ANO4: variants seen among roughly 807,000 people sequenced by gnomAD.
The protein encoded by ANO4 is anoctamin-4.
Under a neutral mutation model 141.9 loss-of-function variants are expected in ANO4, and 69 were observed. That is an observed-to-expected ratio of 0.49 (90% confidence interval 0.40 to 0.59). The LOEUF (loss-of-function observed/expected upper bound fraction) is 0.59. Ranked by LOEUF, ANO4 falls within the 20% of genes least tolerant of loss-of-function variation. ANO4 has a pLI of 0.00. For missense variants in ANO4, 894 were observed against 1,162.2 expected (o/e 0.77, Z 3.36); for synonymous variants, 350 against 394.3 (o/e 0.89, Z 1.33).
chr12:100,743,045 A>G (rs1169118541), intron 3 of ANO4, among the ~76,000 whole-genome samples: 1 of 151,194 alleles, frequency 6.6e-6, no homozygotes, highest in Non-Finnish European at 1.5e-5. Context: ...CTAAGTTACC[A>G]CTCCATGTTA....
intron 1 of ANO4, among the ~76,000 whole-genome samples, chr12:100,720,779 A>G (rs951366048): frequency 6.6e-6 from 1 of 152,176 alleles, no homozygotes; most frequent in Non-Finnish European, 1.5e-5. Context: ...TGTAAGTAGA[A>G]GTGTGGGGTG....
intron 25 of ANO4, among the ~76,000 whole-genome samples, chr12:101,118,881 C>T (rs1285720256): frequency 1.5e-5 from 2 of 130,556 alleles, no homozygotes; most frequent in Non-Finnish European, 3.2e-5. Context: ...CCCCACCCCA[C>T]GACAGGCCCC....
At chr12:101,092,640 T>C (rs1307603260) in intron 17 of ANO4, among the ~76,000 whole-genome samples, 5 of 152,212 alleles carry the variant, frequency 3.3e-5, no homozygotes, top group Non-Finnish European at 7.3e-5. Context: ...ACAGATGCCA[T>C]GGATCCCTAC....
At chr12:100,796,210 G>C (rs895664859) in intron 1 of ANO4, among the ~76,000 whole-genome samples, 15 of 152,016 alleles carry the variant, frequency 9.9e-5, no homozygotes, top group Admixed American at 3.9e-4. Flanking sequence ...CTCTAGAGAG[G>C]GTTCTTGCCA....
intron 1 of ANO4, among the ~76,000 whole-genome samples, chr12:100,796,036 A>ATT (rs34968573): frequency 0.021 from 2,989 of 141,546 alleles, 32 homozygotes; most frequent in Middle Eastern, 0.038. Context: ...CTTAACAGGG[A>ATT]TTTTTTTTTT....
intron 17 of ANO4, among the ~76,000 whole-genome samples, chr12:101,092,364 C>T (rs1180464418): frequency 6.6e-6 from 1 of 152,194 alleles, no homozygotes; most frequent in Non-Finnish European, 1.5e-5. Context: ...AAGCTTTCTG[C>T]CGGTTACAGA....
intron 2 of ANO4, among the ~76,000 whole-genome samples, chr12:100,919,700 GTGTGTATGTA>G (rs1288002235): frequency 1.7e-3 from 220 of 132,520 alleles, no homozygotes; most frequent in African/African-American, 6.0e-3. Context: ...GTGTGTGTGT[GTGTGTATGTA>G]TGTATGTATG....
chr12:100,962,157 C>T (rs1174458849), intron 5 of ANO4, among the ~76,000 whole-genome samples: 1 of 152,162 alleles, frequency 6.6e-6, no homozygotes, highest in African/African-American at 2.4e-5. Flanking sequence ...ATTGAAACCT[C>T]TGTGGTAAGA....
chr12:100,822,007 A>G (rs1817142590), intron 1 of ANO4, among the ~76,000 whole-genome samples: 1 of 151,898 alleles, frequency 6.6e-6, no homozygotes, highest in Non-Finnish European at 1.5e-5. Context: ...CTTGATGGAA[A>G]AACAGTTTTG....
intron 14 of ANO4, among the ~76,000 whole-genome samples, chr12:101,050,326 A>G (rs541016975): frequency 5.3e-5 from 8 of 152,242 alleles, no homozygotes; most frequent in Admixed American, 3.3e-4. Context: ...TGAACAGGCC[A>G]TGTATTTTTT....
intron 14 of ANO4, among the ~76,000 whole-genome samples, chr12:101,058,712 T>C (rs2048228601): frequency 6.6e-6 from 1 of 152,232 alleles, no homozygotes; most frequent in South Asian, 2.1e-4. Context: ...ACATTGATTT[T>C]GTATCCTGAG....
chr12:101,034,708 TAAAG>T (rs1433436375), intron 9 of ANO4, among the ~76,000 whole-genome samples: 1 of 152,018 alleles, frequency 6.6e-6, no homozygotes, highest in African/African-American at 2.4e-5. Context: ...CTAGAATACA[TAAAG>T]AACACTCAAA....
intron 1 of ANO4, among the ~76,000 whole-genome samples, chr12:100,802,857 T>C (rs2034779560): frequency 6.6e-6 from 1 of 152,228 alleles, no homozygotes; most frequent in Non-Finnish European, 1.5e-5. Context: ...ATTTAACTTA[T>C]GCATTATGGT....
At chr12:101,110,774 TTAAA>T (rs1430464948) in intron 23 of ANO4, among the ~76,000 whole-genome samples, 7 of 152,258 alleles carry the variant, frequency 4.6e-5, no homozygotes, top group African/African-American at 1.7e-4. Context: ...GAATTTGTGC[TTAAA>T]TAGAGTCTCA....
In ANO4 at chr12:100,919,591, C is replaced by A. The variant is rs542267574; in HGVS notation, c.56-2635C>A. Among the ~76,000 whole-genome samples the A allele has an allele frequency of 2.0e-5, 3 of 151,542 alleles. No homozygotes were observed. In the East Asian group the frequency reaches 5.8e-4, roughly 29 times the overall value. ...GTAAGTACACTGTATGATCTTTGCA[C>A]AATGATGATATCTACCAATGCATTT... On this transcript the variant is annotated intron_variant, in intron 2 of 27. Coordinates refer to ENST00000392977, the MANE Select transcript of ANO4 (RefSeq NM_001286615.2).
At chr12:100,723,570 C>T (rs571917069) in intron 1 of ANO4, among the ~76,000 whole-genome samples, 1 of 152,250 alleles carries the variant, frequency 6.6e-6, no homozygotes, top group Admixed American at 6.5e-5. Flanking sequence ...TGAATATTAA[C>T]TTTTTTCGTA....
intron 26 of ANO4, among the ~76,000 whole-genome samples, chr12:101,121,312 C>T (rs900916768): frequency 2.0e-5 from 3 of 151,940 alleles, no homozygotes; most frequent in Non-Finnish European, 4.4e-5. Context: ...ACTCTAAGTA[C>T]GTACAATAAG....
chr12:101,127,197 T>C, intron 27 of ANO4, 123 bp downstream of exon 27: 1 of 1,034,564 alleles, frequency 9.7e-7, no homozygotes, highest in Non-Finnish European at 1.4e-6. Context: ...CTTAGAAGCT[T>C]CCCAATCCAA....
chr12:100,886,923 C>T (rs771024610), intron 1 of ANO4, among the ~76,000 whole-genome samples: 15 of 152,208 alleles, frequency 9.9e-5, no homozygotes, highest in Non-Finnish European at 2.2e-4. Context: ...CAACTTTTTT[C>T]CTGGCAAGAA....
Sources: allele counts gnomAD v4.1 joint callset (sites outside exome capture counted in the v4.1 genomes callset), GRCh38; gene constraint gnomAD v4.1.1; transcripts MANE v1.5; gene names NCBI Gene and HGNC (gene_info 2026-07-23, HGNC 2026-07-21).